The following ACSL3 variants were observed in gnomAD, a reference collection of about 807,000 sequenced individuals.
ACSL3 encodes fatty acid CoA ligase Acsl3.
ACSL3 carries 34 observed loss-of-function variants against 84.7 expected under a neutral mutation model. The ratio of observed to expected loss-of-function variants is 0.40; its 90% CI spans 0.31 to 0.53. ACSL3 has a LOEUF of 0.53. Among genes scored for constraint, ACSL3 ranks in the 20% least tolerant of loss-of-function variants. The pLI is 0.48. For synonymous variants in ACSL3, 315 were observed against 299.4 expected, an observed-to-expected ratio of 1.05 and a Z score of -0.54; for missense variants, 680 against 873.1, an observed-to-expected ratio of 0.78 and a Z score of 2.79.
At chr2:222,913,271 A>C (rs2106121317) in intron 4 of ACSL3, among the ~76,000 whole-genome samples, 1 of 152,294 alleles carries the variant, frequency 6.6e-6, no homozygotes, top group African/African-American at 2.4e-5. Flanking sequence ...CCTCTTTCTT[A>C]ATGCCGTCTT....
At chr2:222,899,681 G>T (rs898992803) in intron 2 of ACSL3, among the ~76,000 whole-genome samples, 1 of 152,098 alleles carries the variant, frequency 6.6e-6, no homozygotes, top group Non-Finnish European at 1.5e-5. Flanking sequence ...GCTCCTGAAA[G>T]TAAGAGGAGG....
intron 1 of ACSL3, among the ~76,000 whole-genome samples, chr2:222,885,773 C>T (rs1240407673): frequency 2.6e-5 from 4 of 151,866 alleles, no homozygotes; most frequent in Non-Finnish European, 4.4e-5. Flanking sequence ...GACAGAGTCT[C>T]GCTCTGTCAC....
At chr2:222,875,333 A>G (rs2106088285) in intron 1 of ACSL3, among the ~76,000 whole-genome samples, 1 of 152,228 alleles carries the variant, frequency 6.6e-6, no homozygotes, top group Admixed American at 6.5e-5. Flanking sequence ...TTGTTTTTGA[A>G]TAAAAACCTT....
chr2:222,878,488 G>C (rs1380978462), intron 1 of ACSL3, among the ~76,000 whole-genome samples: 1 of 152,124 alleles, frequency 6.6e-6, no homozygotes, highest in East Asian at 1.9e-4. Context: ...TTTGTCTTTG[G>C]CTTCTAGGGC....
At position 222,898,696 on chromosome 2, in the gene ACSL3, G is replaced by A. The variant is rs559400450; in HGVS notation, c.-147-1978G>A. 6.6e-5 allele frequency among the ~76,000 whole-genome samples: 10 copies of A among 152,244 alleles called. No homozygotes were observed. The East Asian group carries it at 1.7e-3, about 26-fold the overall frequency. ...AACAAAATTAGCCGGGCGCAGTGGC[G>A]GGCGCCTGTAGTCCCAGCTACTCGG... On this transcript the variant is annotated intron_variant, in intron 2 of 16. Coordinates refer to ENST00000357430, the MANE Select transcript of ACSL3 (RefSeq NM_004457.5).
At chr2:222,903,273 C>A (rs1439111748) in intron 3 of ACSL3, among the ~76,000 whole-genome samples, 1 of 152,136 alleles carries the variant, frequency 6.6e-6, no homozygotes, top group African/African-American at 2.4e-5. Context: ...TCTTGAGTAG[C>A]TGGTACTACA....
rs1697325333 is a variant in ACSL3, at chr2:222,942,011, G to T, written c.*357G>T. Reference sequence around the variant, plus strand: ...TTTGTAACTTTTTAAAAGTTTGGATGTATAGAGGGATAAATAGGAAATATA... The same window carrying T: ...TTTGTAACTTTTTAAAAGTTTGGATTTATAGAGGGATAAATAGGAAATATA... On this transcript the variant is annotated 3_prime_UTR_variant, in exon 17 of 17. Transcript: ENST00000357430. 4.3e-6 allele frequency: 1 copy of T among 231,352 alleles called. No homozygotes were observed. Among genetic ancestry groups the T allele is most frequent in the African/African-American group, 2.2e-5 (1 of 45,160 alleles). 14.3% of individuals were successfully genotyped at this position (231,352 alleles called of 1,614,324 possible). A position where few individuals can be genotyped will look rare whatever the true frequency, so the allele number is the denominator to read the frequency against.
At chr2:222,920,973 T>G (rs1443146945) in intron 7 of ACSL3, 1 of 505,590 alleles carries the variant, frequency 2.0e-6, no homozygotes, top group East Asian at 5.6e-5. Flanking sequence ...AGGCCTTTGC[T>G]AAACGAAACT....
In ACSL3 at chr2:222,925,002, G is replaced by C. The variant is rs1696839253; in HGVS notation, c.1292+407G>C. Among the ~76,000 whole-genome samples the C allele has an allele frequency of 2.1e-5, 3 of 145,890 alleles. No homozygotes were observed. In the Admixed American group the frequency reaches 2.1e-4, roughly 10 times the overall value. ...GATTGCGCCACTGCACGATCTGTCT[G>C]CCTGGGCGACAGAGCGAGAATCCGT... is the stretch of plus-strand genomic sequence containing the variant. On this transcript the variant is annotated intron_variant, in intron 11 of 16. Coordinates refer to ENST00000357430, the MANE Select transcript of ACSL3 (RefSeq NM_004457.5).
chr2:222,901,764 G>A (rs1046491964), intron 3 of ACSL3, among the ~76,000 whole-genome samples: 9 of 151,974 alleles, frequency 5.9e-5, no homozygotes, highest in African/African-American at 2.2e-4. Flanking sequence ...GGCCAACATG[G>A]TGAAACCCCA....
chr2:222,898,259 A>T lies in ACSL3; in HGVS notation c.-147-2415A>T, dbSNP rs200669497. On this transcript the variant is annotated intron_variant, in intron 2 of 16. Transcript: ENST00000357430. ...CACTTGTTTTCCTTTTGATTCTTTTAAAGTTGTGTTTCGTCATACAGAAAT... is the reference window on the plus strand; with the variant it reads ...CACTTGTTTTCCTTTTGATTCTTTTTAAGTTGTGTTTCGTCATACAGAAAT... Among the ~76,000 whole-genome samples the T allele has an allele frequency of 5.3e-5, 8 of 152,082 alleles. No individual in the cohort carries two copies. In the East Asian group the frequency reaches 1.5e-3, roughly 29 times the overall value.
intron 16 of ACSL3, 62 bp downstream of exon 16, chr2:222,934,749 C>T (rs1697130470): frequency 6.5e-7 from 1 of 1,541,972 alleles, no homozygotes; most frequent in Non-Finnish European, 8.8e-7. Context: ...TACATGCATT[C>T]AACCTGTTTT....
At position 222,918,127 on chromosome 2, in the gene ACSL3, G is replaced by C; in HGVS notation, c.638G>C (p.Ser213Thr). The change falls in exon 6 of 17, where the codon AGT becomes ACT. Residue 213 changes from serine (S) to threonine (T), a missense_variant. Coordinates refer to ENST00000357430, the MANE Select transcript of ACSL3 (RefSeq NM_004457.5). ...ACAGAGGTGACCAACATCATTACTA[G>C]TAAAGAACTCTTACAAACAAAGTTG... ...NETEVTNIIT[S>T]KELLQTKLKD... The C allele has an allele frequency of 6.2e-7, 1 of 1,611,440 alleles. No homozygotes were observed. Among genetic ancestry groups the C allele is most frequent in the South Asian group, 1.1e-5 (1 of 90,816 alleles).
At chr2:222,883,867 A>G (rs1031871382) in intron 1 of ACSL3, among the ~76,000 whole-genome samples, 2 of 151,428 alleles carry the variant, frequency 1.3e-5, no homozygotes, top group African/African-American at 4.9e-5. Flanking sequence ...ACTTGTATTG[A>G]CTCCTTAATT....
Position 222,922,460 on chromosome 2 carries a change from C to T in ACSL3, c.957-248C>T, listed in dbSNP as rs1349544754. On this transcript the variant is annotated intron_variant, in intron 8 of 16. Coordinates refer to ENST00000357430, the MANE Select transcript of ACSL3 (RefSeq NM_004457.5). ...TTTAAGTAGGACGGGAAACAGCATT[C>T]CTTCCTGCAAGTGTGCGCCTCCTTG... is the stretch of plus-strand genomic sequence containing the variant. Among the ~76,000 whole-genome samples the T allele has an allele frequency of 2.6e-5, 4 of 152,224 alleles. No homozygotes were observed. The East Asian group carries it at 7.7e-4, about 29-fold the overall frequency.
At position 222,934,576 on chromosome 2, in the gene ACSL3, C is replaced by T. The variant is rs760062740; in HGVS notation, c.1894C>T (p.Leu632=). ...IGFVVPNQKE[L]TELARKKGLK... ...ATTTGTTGTGCCAAATCAAAAGGAA[C>T]TAACTGAACTAGCTCGAAAGAAAGG... Residue 632 remains leucine, a synonymous_variant, in exon 16 of 17, where the codon CTA becomes TTA. Coordinates refer to ENST00000357430, the MANE Select transcript of ACSL3 (RefSeq NM_004457.5). The T allele has an allele frequency of 1.9e-6, 3 of 1,594,496 alleles. No individual in the cohort carries two copies. Among genetic ancestry groups the T allele is most frequent in the Non-Finnish European group, 2.6e-6 (3 of 1,170,688 alleles).
chr2:222,929,459 G>A (rs1696965438), intron 13 of ACSL3, among the ~76,000 whole-genome samples: 1 of 151,918 alleles, frequency 6.6e-6, no homozygotes, highest in Non-Finnish European at 1.5e-5. Context: ...TGTTTTATTG[G>A]GATGCACCTT....
At chr2:222,936,420 T>G (rs1293171488) in intron 16 of ACSL3, among the ~76,000 whole-genome samples, 1 of 152,192 alleles carries the variant, frequency 6.6e-6, no homozygotes, top group Non-Finnish European at 1.5e-5. Flanking sequence ...CACCAACATT[T>G]GTATATTTTT....
intron 2 of ACSL3, among the ~76,000 whole-genome samples, chr2:222,899,164 G>A (rs1696071515): frequency 1.3e-5 from 2 of 152,160 alleles, no homozygotes; most frequent in South Asian, 2.1e-4. Flanking sequence ...ACAGGAGACT[G>A]ATAGTTTAAC....
Sources: allele counts gnomAD v4.1 joint callset (sites outside exome capture counted in the v4.1 genomes callset), GRCh38; gene constraint gnomAD v4.1.1; transcripts MANE v1.5; gene names NCBI Gene and HGNC (gene_info 2026-07-23, HGNC 2026-07-21).